The following DPP4 variants were observed in gnomAD, a reference collection of about 807,000 sequenced individuals.
DPP4 encodes ADCP-2.
Under a neutral mutation model 122.4 loss-of-function variants are expected in DPP4, and 93 were observed. The ratio of observed to expected loss-of-function variants is 0.76; its 90% confidence interval spans 0.64 to 0.90. DPP4 has a LOEUF of 0.90. Among genes scored for constraint, DPP4 ranks in the 40% least tolerant of loss-of-function variants. The probability of loss-of-function intolerance (pLI) is 0.00; values close to 1 mark genes in which losing one functional copy is unlikely to be tolerated. For missense variants in DPP4, 914 were observed against 907.3 expected, an observed-to-expected ratio of 1.01 and a Z score of -0.09; for synonymous variants, 321 against 302.9, an observed-to-expected ratio of 1.06 and a Z score of -0.62.
intron 2 of DPP4, among the ~76,000 whole-genome samples, chr2:162,071,785 T>C (rs1685126400): frequency 6.6e-6 from 1 of 152,220 alleles, no homozygotes; most frequent in African/African-American, 2.4e-5. Flanking sequence ...CAGCTCTTCC[T>C]GGCCTGTATA....
intron 2 of DPP4, among the ~76,000 whole-genome samples, chr2:162,060,707 C>T (rs1487683560): frequency 2.0e-5 from 3 of 152,180 alleles, no homozygotes; most frequent in African/African-American, 4.8e-5. Context: ...ATCTGTCCCT[C>T]CTGCCATTGT....
At chr2:162,010,257 C>G (rs545852013) in intron 20 of DPP4, among the ~76,000 whole-genome samples, 15 of 152,272 alleles carry the variant, frequency 9.9e-5, no homozygotes, top group Non-Finnish European at 2.1e-4. Context: ...TGAATGTATC[C>G]TTGAAATCAT....
At chr2:162,029,796 A>G (rs551297750) in intron 10 of DPP4, among the ~76,000 whole-genome samples, 27 of 152,246 alleles carry the variant, frequency 1.8e-4, no homozygotes, top group African/African-American at 5.8e-4. Flanking sequence ...GCCCTTTCCA[A>G]TCCCCTAGAT....
At chr2:162,039,541 T>C (rs116016838) in intron 5 of DPP4, among the ~76,000 whole-genome samples, 204 of 152,220 alleles carry the variant, frequency 1.3e-3, no homozygotes, top group Non-Finnish European at 2.5e-3. Flanking sequence ...TGGCAAAAGA[T>C]TTAAACGATA....
At chr2:162,052,978 G>C (rs1019589334) in intron 2 of DPP4, among the ~76,000 whole-genome samples, 4 of 152,148 alleles carry the variant, frequency 2.6e-5, no homozygotes, top group African/African-American at 9.7e-5. Flanking sequence ...GGATAAACAA[G>C]GATATCCGGC....
intron 2 of DPP4, among the ~76,000 whole-genome samples, chr2:162,048,527 T>A (rs1007834469): frequency 8.5e-5 from 13 of 152,144 alleles, no homozygotes; most frequent in African/African-American, 2.9e-4. Flanking sequence ...CACAAGACTG[T>A]CTTATGTCAC....
In DPP4 at chr2:162,045,599, T is replaced by C; in HGVS notation, c.299A>G (p.His100Arg). The change falls in exon 5 of 26, where the codon CAT becomes CGT. Residue 100 changes from histidine (H) to arginine (R), a missense_variant. Transcript: ENST00000360534. Reference protein sequence around the residue: ...LENSTFDEFGHSINDYSISPD... With the variant: ...LENSTFDEFGRSINDYSISPD... ...AGATATTGAATAATCATTGATAGAATGTCCAAACTCATCCTGTCAAACAAG... is the reference window on the plus strand; with the variant it reads ...AGATATTGAATAATCATTGATAGAACGTCCAAACTCATCCTGTCAAACAAG... 6.2e-7 allele frequency: 1 copy of C among 1,612,318 alleles called. No individual in the cohort carries two copies.
chr2:162,070,188 A>C (rs1303263813), intron 2 of DPP4, among the ~76,000 whole-genome samples: 2 of 152,230 alleles, frequency 1.3e-5, no homozygotes, highest in East Asian at 3.8e-4. Flanking sequence ...AAAAAAATTT[A>C]AAACATACAA....
In DPP4 at chr2:162,018,745, A is replaced by G; in HGVS notation, c.1404T>C (p.Tyr468=). 2 of 1,614,092 alleles carry G rather than the reference A, an allele frequency of 1.2e-6. No individual in the cohort carries two copies. Among genetic ancestry groups the G allele is most frequent in the Non-Finnish European group, 1.7e-6 (2 of 1,180,032 alleles). Residue 468 remains tyrosine (Y), a synonymous_variant, in exon 16 of 26, where the codon TAT becomes TAC. Coordinates refer to ENST00000360534, the MANE Select transcript of DPP4 (RefSeq NM_001935.4). ...SVSFSKEAKY[Y]QLRCSGPGLP... ...CAGACTTACCGGAACATCTCAGCTG[A>G]TAATACTTCGCCTCTTTACTGAATG...
chr2:162,010,099 A>G (rs1576037680), intron 20 of DPP4, among the ~76,000 whole-genome samples: 1 of 152,184 alleles, frequency 6.6e-6, no homozygotes, highest in Non-Finnish European at 1.5e-5. Context: ...AATATGTCCT[A>G]GGTTGCCCTA....
intron 9 of DPP4, among the ~76,000 whole-genome samples, chr2:162,033,986 T>C (rs1446521901): frequency 6.6e-6 from 1 of 151,058 alleles, no homozygotes; most frequent in Non-Finnish European, 1.5e-5. Flanking sequence ...CAAGCAAGGA[T>C]AAACCTCTTA....
At position 162,041,042 on chromosome 2, in the gene DPP4, A is replaced by T. The variant is rs906240451; in HGVS notation, c.367-1858T>A. Among the ~76,000 whole-genome samples the T allele has an allele frequency of 6.0e-5, 9 of 150,590 alleles. No individual in the cohort carries two copies. In the Admixed American group the frequency reaches 6.0e-4, roughly 10 times the overall value. ...GGATTTTATTTTTATAGACCAAGCA[A>T]TAACTAAAAACATCCCTATATATTT... On this transcript the variant is annotated intron_variant, in intron 5 of 25. Transcript: ENST00000360534.
intron 2 of DPP4, among the ~76,000 whole-genome samples, chr2:162,054,646 G>A (rs1192275671): frequency 6.6e-6 from 1 of 152,112 alleles, no homozygotes; most frequent in Non-Finnish European, 1.5e-5. Context: ...AAGCCTTTTT[G>A]TCTTTCTACT....
chr2:162,073,760 G>A (rs996092884), intron 1 of DPP4, among the ~76,000 whole-genome samples: 2 of 152,138 alleles, frequency 1.3e-5, no homozygotes, highest in Non-Finnish European at 2.9e-5. Context: ...GGCTCTCCGG[G>A]ACATTCAAAG....
At chr2:161,999,109 T>TC (rs1701080525) in intron 23 of DPP4, among the ~76,000 whole-genome samples, 1 of 152,206 alleles carries the variant, frequency 6.6e-6, no homozygotes, top group East Asian at 1.9e-4. Flanking sequence ...AACATTTTTT[T>TC]CCCCAGAAAA....
intron 22 of DPP4, among the ~76,000 whole-genome samples, chr2:162,006,937 A>C (rs1248591912): frequency 2.2e-4 from 33 of 152,094 alleles, no homozygotes; most frequent in Admixed American, 2.1e-3. Context: ...ATATTATCTA[A>C]ATTCAACATT....
chr2:162,049,095 T>C (rs1576064685), intron 2 of DPP4, among the ~76,000 whole-genome samples: 1 of 152,126 alleles, frequency 6.6e-6, no homozygotes, highest in Admixed American at 6.5e-5. Flanking sequence ...ACTCACAAAA[T>C]CAGCCACCGT....
At chr2:162,073,674 T>C (rs980790797) in intron 1 of DPP4, 188 bp from the exon 2 acceptor site, 2 of 675,854 alleles carry the variant, frequency 3.0e-6, no homozygotes, top group Non-Finnish European at 5.1e-6. Context: ...GCGGGTGCCC[T>C]TGAACTTGTG....
rs1683642242 is a variant in DPP4, at chr2:162,033,574, A to G, written c.854T>C (p.Ile285Thr). The G allele has an allele frequency of 2.5e-6, 4 of 1,613,352 alleles. No individual in the cohort carries two copies. Among genetic ancestry groups the G allele is most frequent in the Non-Finnish European group, 2.5e-6 (3 of 1,179,624 alleles). Residue 285 changes from isoleucine (I) to threonine (T), a missense_variant, in exon 10 of 26, where the codon ATA (isoleucine) becomes ACA (threonine). Coordinates refer to ENST00000360534, the MANE Select transcript of DPP4 (RefSeq NM_001935.4). ...CATAGAAGCAGGAGCAGTGATTTGT[A>G]TGGAAGTTGCATTGGTGACTGAGCT... ...SLSSVTNATS[I>T]QITAPASMLI...
Sources: gnomAD v4.1 joint callset for allele counts (sites outside exome capture counted in the v4.1 genomes callset) on GRCh38, gnomAD v4.1.1 for gene constraint, MANE v1.5 for transcripts, NCBI Gene and HGNC (gene_info 2026-07-23, HGNC 2026-07-21) for gene names.